Variants in ABCA13 observed in about 807,000 individuals in gnomAD.
The protein encoded by ABCA13 is ATP binding cassette subfamily A member 13, also known as ATP-binding cassette sub-family A member 13.
A neutral mutation model predicts 478.7 loss-of-function variants in ABCA13; 476 were observed. The ratio of observed to expected loss-of-function variants is 0.99; its 90% CI spans 0.92 to 1.07. ABCA13 has a LOEUF of 1.07. ABCA13 is among the 50% of genes least tolerant of loss of function. The pLI, the probability that ABCA13 is intolerant of heterozygous loss-of-function variation, is 0.00. For missense variants in ABCA13, 6,060 were observed against 5,910.6 expected, an observed-to-expected ratio of 1.03 and a Z score of -0.83; for synonymous variants, 2,252 against 2,158.9, an observed-to-expected ratio of 1.04 and a Z score of -1.20.
chr7:48,317,920 T>C (rs1430211321), intron 27 of ABCA13, among the ~76,000 whole-genome samples: 6 of 152,206 alleles, frequency 3.9e-5, no homozygotes, highest in Non-Finnish European at 4.4e-5. Context: ...ATTTGCACTT[T>C]CTTTTTAAAT....
chr7:48,521,138 A>G (rs1832518471), intron 53 of ABCA13, among the ~76,000 whole-genome samples: 1 of 152,238 alleles, frequency 6.6e-6, no homozygotes. Flanking sequence ...ATATTGTCAG[A>G]TAAAACATTT....
intron 20 of ABCA13, among the ~76,000 whole-genome samples, chr7:48,290,940 G>GAAA (rs57470116): frequency 6.2e-5 from 3 of 48,780 alleles, no homozygotes; most frequent in African/African-American, 1.1e-4. Flanking sequence ...CACACTCAGG[G>GAAA]AAAAAAAAAA....
intron 31 of ABCA13, among the ~76,000 whole-genome samples, chr7:48,356,423 G>T: frequency 6.6e-6 from 1 of 151,170 alleles, no homozygotes; most frequent in African/African-American, 2.5e-5. Flanking sequence ...GCTACCTGGG[G>T]AATAGTCCAG....
intron 58 of ABCA13, among the ~76,000 whole-genome samples, chr7:48,608,559 T>TTC (rs2131528605): frequency 6.6e-6 from 1 of 152,364 alleles, no homozygotes; most frequent in South Asian, 2.1e-4. Flanking sequence ...TTCTGTTTGT[T>TTC]TGGCTCCCAA....
chr7:48,240,768 G>C, intron 9 of ABCA13, 99 bp from the exon 10 acceptor site: 4 of 939,854 alleles, frequency 4.3e-6, no homozygotes, highest in East Asian at 3.1e-5. Context: ...AAGATTGGCT[G>C]TCTGTCATCT....
At chr7:48,370,304 G>A (rs1812427689) in intron 32 of ABCA13, among the ~76,000 whole-genome samples, 1 of 152,004 alleles carries the variant, frequency 6.6e-6, no homozygotes, top group Non-Finnish European at 1.5e-5. Context: ...TGAGTCTTTA[G>A]GGTTTTCTAG....
intron 1 of ABCA13, among the ~76,000 whole-genome samples, chr7:48,186,065 C>T (rs1796315619): frequency 6.6e-6 from 1 of 151,886 alleles, no homozygotes; most frequent in South Asian, 2.1e-4. Context: ...TCTTTTTCAT[C>T]TCCTTCCTTT....
chr7:48,232,139 ATTTTTTTTTTTT>A lies in ABCA13; in HGVS notation c.764-1865_764-1854del, dbSNP rs71006559. ...CTCAGCACAGTGAGACCCACATGGA[ATTTTTTTTTTTT>A]TTTTTTTTTTTTTAGCTTTCTGTAA... On this transcript the variant is annotated intron_variant, in intron 7 of 61. Transcript: ENST00000435803. 7.8e-5 allele frequency among the ~76,000 whole-genome samples: 4 copies of A among 51,312 alleles called. No homozygotes were observed. The South Asian group carries it at 3.2e-3, about 41-fold the overall frequency. 33.7% of individuals were successfully genotyped at this position (51,312 alleles called of 152,430 possible).
In ABCA13 at chr7:48,210,922, A is replaced by G. The variant is rs1182232193; in HGVS notation, c.288-8432A>G. Among the ~76,000 whole-genome samples, 5 of 152,168 alleles carry G rather than the reference A, an allele frequency of 3.3e-5. No homozygotes were observed. In the East Asian group the frequency reaches 9.6e-4, roughly 29 times the overall value. ...CTTTTCTGTTTAAATGATCTGTTCA[A>G]TGCAAAATATGGGGTGTCAAAGTCT... On this transcript the variant is annotated intron_variant, in intron 3 of 61. Coordinates refer to ENST00000435803, the MANE Select transcript of ABCA13 (RefSeq NM_152701.5).
Position 48,314,338 on chromosome 7 carries a change from T to G in ABCA13, c.9788T>G (p.Phe3263Cys), listed in dbSNP as rs6957703. ...QASFLSDSNM[F>C]INLPRVKELL... ...TCATTCCTTAGCGATTCTAATATGTTTATTAATTTGCCCAGAGTTAAGGAA... is the reference window on the plus strand; with the variant it reads ...TCATTCCTTAGCGATTCTAATATGTGTATTAATTTGCCCAGAGTTAAGGAA... The change falls in exon 26 of 62, where the codon TTT (phenylalanine) becomes TGT (cysteine). Residue 3263 changes from phenylalanine (F) to cysteine (C), a missense_variant. By Grantham distance (205) the Phe-to-Cys change is radical. Coordinates refer to ENST00000435803, the MANE Select transcript of ABCA13 (RefSeq NM_152701.5). The G allele has an allele frequency of 4.1e-5, 66 of 1,612,710 alleles. No individual in the cohort carries two copies. In the African/African-American group the frequency reaches 6.1e-4, roughly 15 times the overall value.
At chr7:48,479,369 C>G (rs1172146756) in intron 45 of ABCA13, among the ~76,000 whole-genome samples, 1 of 152,144 alleles carries the variant, frequency 6.6e-6, no homozygotes, top group Non-Finnish European at 1.5e-5. Context: ...TCCCGAGTAG[C>G]TGGGACCACA....
chr7:48,463,413 A>G (rs2885482), intron 43 of ABCA13, among the ~76,000 whole-genome samples: 28,529 of 152,058 alleles, frequency 0.19, 3,102 homozygotes, highest in African/African-American at 0.29. Flanking sequence ...AATAGAAGGC[A>G]TCAGCTCCTT....
intron 1 of ABCA13, among the ~76,000 whole-genome samples, chr7:48,174,463 A>G (rs1021224419): frequency 1.3e-5 from 2 of 152,190 alleles, no homozygotes; most frequent in African/African-American, 4.8e-5. Flanking sequence ...TTCAAAAAAC[A>G]TCTTATTATA....
chr7:48,418,138 T>C (rs527357735), intron 41 of ABCA13, among the ~76,000 whole-genome samples: 2 of 152,364 alleles, frequency 1.3e-5, no homozygotes, highest in African/African-American at 4.8e-5. Context: ...ACAAAGCTGC[T>C]ATAAATATCT....
chr7:48,286,567 C>T (rs985171943), intron 19 of ABCA13, among the ~76,000 whole-genome samples: 12 of 152,018 alleles, frequency 7.9e-5, no homozygotes, highest in Admixed American at 2.6e-4. Context: ...TGCAGTGGTG[C>T]GACCTCAGCT....
At chr7:48,413,729 C>T (rs1238980481) in intron 41 of ABCA13, among the ~76,000 whole-genome samples, 1 of 152,158 alleles carries the variant, frequency 6.6e-6, no homozygotes, top group Non-Finnish European at 1.5e-5. Flanking sequence ...AAGTAGATAG[C>T]CTCCATCACA....
chr7:48,283,361 T>C (rs73323707), intron 19 of ABCA13, among the ~76,000 whole-genome samples: 2 of 152,026 alleles, frequency 1.3e-5, no homozygotes, highest in African/African-American at 4.8e-5. Flanking sequence ...TTTGTATTGA[T>C]AAGTGCTAGA....
intron 59 of ABCA13, among the ~76,000 whole-genome samples, chr7:48,633,535 C>T (rs1794347822): frequency 6.6e-6 from 1 of 152,086 alleles, no homozygotes; most frequent in African/African-American, 2.4e-5. Context: ...TAAAGCCAGT[C>T]TCAATAAATT....
At chr7:48,361,799 A>T (rs1195834845) in intron 31 of ABCA13, among the ~76,000 whole-genome samples, 2 of 151,870 alleles carry the variant, frequency 1.3e-5, no homozygotes, top group African/African-American at 4.8e-5. Flanking sequence ...AGCTGTTTAA[A>T]TAAAGCTTCT....
Sources: gnomAD v4.1 joint callset for allele counts (sites outside exome capture counted in the v4.1 genomes callset) on GRCh38, gnomAD v4.1.1 for gene constraint, MANE v1.5 for transcripts, NCBI Gene and HGNC (gene_info 2026-07-23, HGNC 2026-07-21) for gene names.